Variants in SLC9A2 observed in about 807,000 individuals in gnomAD.
SLC9A2 encodes the protein sodium/hydrogen exchanger 2.
A neutral mutation model predicts 71.7 loss-of-function variants in SLC9A2; 42 were observed. That is an observed-to-expected ratio of 0.59 (90% CI 0.46 to 0.76). The LOEUF (loss-of-function observed/expected upper bound fraction) is 0.76. SLC9A2 is among the 30% of genes least tolerant of loss of function. SLC9A2 has a pLI of 0.00. For missense variants in SLC9A2, 829 were observed against 1,017.4 expected, an observed-to-expected ratio of 0.81 and a Z score of 2.52; for synonymous variants, 396 against 392.5, an observed-to-expected ratio of 1.01 and a Z score of -0.10.
intron 3 of SLC9A2, among the ~76,000 whole-genome samples, chr2:102,673,650 T>G (rs1204738959): frequency 6.6e-6 from 1 of 152,222 alleles, no homozygotes; most frequent in Non-Finnish European, 1.5e-5. Context: ...TTATGCTTAT[T>G]TTTTAAAAAG....
intron 2 of SLC9A2, among the ~76,000 whole-genome samples, chr2:102,659,570 C>T (rs1471589760): frequency 2.6e-5 from 4 of 152,208 alleles, no homozygotes; most frequent in Non-Finnish European, 4.4e-5. Context: ...CCATTAACTT[C>T]ATGTGAACAT....
intron 2 of SLC9A2, among the ~76,000 whole-genome samples, chr2:102,664,047 G>T (rs564444785): frequency 1.3e-5 from 2 of 152,188 alleles, no homozygotes; most frequent in African/African-American, 4.8e-5. Flanking sequence ...AGGCCGAGGT[G>T]GGTGGATCTC....
At chr2:102,698,775 C>A (rs931951701) in intron 7 of SLC9A2, among the ~76,000 whole-genome samples, 1 of 152,202 alleles carries the variant, frequency 6.6e-6, no homozygotes, top group African/African-American at 2.4e-5. Context: ...GCCACTGTTT[C>A]TTTCATTGTG....
chr2:102,695,522 T>G (rs1353264589), intron 7 of SLC9A2, among the ~76,000 whole-genome samples: 1 of 151,916 alleles, frequency 6.6e-6, no homozygotes, highest in Non-Finnish European at 1.5e-5. Context: ...ATATGTGTTA[T>G]TAATAGCTGC....
At chr2:102,651,693 T>G (rs540667253) in intron 1 of SLC9A2, among the ~76,000 whole-genome samples, 2 of 152,332 alleles carry the variant, frequency 1.3e-5, no homozygotes, top group South Asian at 4.1e-4. Flanking sequence ...ACTGACTTAT[T>G]TTCTATTTCC....
intron 5 of SLC9A2, 102 bp downstream of exon 5, chr2:102,684,438 G>C: frequency 9.4e-7 from 1 of 1,059,618 alleles, no homozygotes. Flanking sequence ...TGAAACTTTG[G>C]TAGTTAATTA....
intron 7 of SLC9A2, among the ~76,000 whole-genome samples, chr2:102,695,782 A>ATATATATTATATATATATAT (rs1558723222): frequency 2.9e-4 from 6 of 20,672 alleles, no homozygotes; most frequent in African/African-American, 4.3e-4. Context: ...TATATATTAT[A>ATATATATTATATATATATAT]TATATATTAT....
chr2:102,642,672 G>C (rs1676605831), intron 1 of SLC9A2, among the ~76,000 whole-genome samples: 1 of 152,154 alleles, frequency 6.6e-6, no homozygotes, highest in Non-Finnish European at 1.5e-5. Context: ...GGCAATATTA[G>C]CTTCATAAAA....
chr2:102,641,921 A>T (rs1676589854), intron 1 of SLC9A2, among the ~76,000 whole-genome samples: 1 of 151,640 alleles, frequency 6.6e-6, no homozygotes, highest in South Asian at 2.1e-4. Context: ...TGGGGGAGGG[A>T]TAGCATTAGC....
chr2:102,704,413 C>A, intron 9 of SLC9A2, 131 bp from the exon 10 acceptor site: 1 of 649,908 alleles, frequency 1.5e-6, no homozygotes, highest in Admixed American at 3.0e-5. Flanking sequence ...ATTTTTTGCT[C>A]TGCACAGAAG....
intron 1 of SLC9A2, among the ~76,000 whole-genome samples, chr2:102,640,338 C>T (rs1676551130): frequency 6.6e-6 from 1 of 152,206 alleles, no homozygotes; most frequent in Non-Finnish European, 1.5e-5. Flanking sequence ...TCTATTCTCA[C>T]CCTAACCACC....
intron 3 of SLC9A2, among the ~76,000 whole-genome samples, chr2:102,679,564 T>C (rs1035109001): frequency 2.0e-5 from 3 of 151,906 alleles, no homozygotes; most frequent in African/African-American, 7.3e-5. Context: ...TTATTTTTAG[T>C]AGACAGGGTT....
Position 102,619,789 on chromosome 2 carries a change from G to A in SLC9A2, c.-60G>A. The A allele has an allele frequency of 7.1e-7, 1 of 1,414,172 alleles. No individual in the cohort carries two copies. Among genetic ancestry groups the A allele is most frequent in the Non-Finnish European group, 9.3e-7 (1 of 1,077,754 alleles). 87.6% of individuals were successfully genotyped at this position (1,414,172 alleles called of 1,614,324 possible). ...GGAGCGGGCTGAGCAGCCCGGGCGC[G>A]ATGCGTTGAGCGCTCGGAGGGCCAA... On this transcript the variant is annotated 5_prime_UTR_variant, in exon 1 of 12. Coordinates refer to ENST00000233969, the MANE Select transcript of SLC9A2 (RefSeq NM_003048.6). The surrounding 1 kb of genome is among the most constrained non-coding windows in gnomAD (Gnocchi z 4.3).
At chr2:102,684,050 G>A (rs557738818) in intron 4 of SLC9A2, 84 bp from the exon 5 acceptor site, 53 of 1,006,862 alleles carry the variant, frequency 5.3e-5, no homozygotes, top group Middle Eastern at 4.2e-4. Flanking sequence ...TGTCCCCATC[G>A]CAGAAGCACA....
chr2:102,651,336 G>T (rs1387849584), intron 1 of SLC9A2, among the ~76,000 whole-genome samples: 4 of 152,138 alleles, frequency 2.6e-5, no homozygotes, highest in Non-Finnish European at 5.9e-5. Flanking sequence ...AGGGCCACAG[G>T]CTCTGCAGGC....
At chr2:102,655,210 CT>C (rs58932567) in intron 1 of SLC9A2, among the ~76,000 whole-genome samples, 244 of 138,226 alleles carry the variant, frequency 1.8e-3, no homozygotes, top group Middle Eastern at 0.015. Flanking sequence ...TACCCTTATT[CT>C]TTTTTTTTTT....
intron 1 of SLC9A2, among the ~76,000 whole-genome samples, chr2:102,641,943 A>G (rs1361192191): frequency 1.3e-5 from 2 of 151,994 alleles, no homozygotes; most frequent in Non-Finnish European, 2.9e-5. Context: ...GAAATACCTA[A>G]TGTAAACGAT....
In SLC9A2 at chr2:102,702,390, T is replaced by G; in HGVS notation, c.1749-16T>G. 3 of 1,421,788 alleles carry G rather than the reference T, an allele frequency of 2.1e-6. No individual in the cohort carries two copies. The highest frequency in any genetic ancestry group is 2.9e-6 in the Non-Finnish European group (3 of 1,021,366). 88.1% of individuals were successfully genotyped at this position (1,421,788 alleles called of 1,614,324 possible). On this transcript the variant is annotated splice_polypyrimidine_tract_variant and intron_variant, in intron 8 of 11. Transcript: ENST00000233969. ...TTTGTTGAAAGGTAAAATATTCTTT[T>G]TCTAAACTTTCACAGTGATTGTCGT...
intron 1 of SLC9A2, among the ~76,000 whole-genome samples, chr2:102,650,294 C>A (rs542448581): frequency 6.6e-6 from 1 of 152,012 alleles, no homozygotes; most frequent in East Asian, 1.9e-4. Context: ...ACAGAGAGGG[C>A]CTTGAACATT....
Sources: gnomAD v4.1 joint callset for allele counts (sites outside exome capture counted in the v4.1 genomes callset) on GRCh38, gnomAD v4.1.1 for gene constraint, Gnocchi (gnomAD v3.1) non-coding constraint, MANE v1.5 for transcripts, NCBI Gene and HGNC (gene_info 2026-07-23, HGNC 2026-07-21) for gene names.